UBE2L6: variants seen among roughly 807,000 people sequenced by gnomAD.
UBE2L6 encodes ubiquitin/ISG15-conjugating enzyme E2 L6.
A neutral mutation model predicts 13.6 loss-of-function variants in UBE2L6; 11 were observed. The ratio of observed to expected loss-of-function variants is 0.81; its 90% CI spans 0.51 to 1.34. The LOEUF (loss-of-function observed/expected upper bound fraction) is 1.34. Ranked by LOEUF, UBE2L6 falls within the 40% of genes most tolerant of loss-of-function variation. The pLI, the probability that UBE2L6 is intolerant of heterozygous loss-of-function variation, is 0.00. For missense variants in UBE2L6, 197 were observed against 199.5 expected (o/e 0.99, Z 0.07); for synonymous variants, 74 against 83.2 (o/e 0.89, Z 0.60).
At chr11:57,564,597 G>C (rs190936089) in intron 1 of UBE2L6, among the ~76,000 whole-genome samples, 2 of 152,210 alleles carry the variant, frequency 1.3e-5, no homozygotes, top group African/African-American at 4.8e-5. Context: ...GAGGTCAGGA[G>C]TTCGAGACCA....
intron 1 of UBE2L6, among the ~76,000 whole-genome samples, chr11:57,566,531 T>C (rs958383303): frequency 6.6e-6 from 1 of 152,102 alleles, no homozygotes; most frequent in African/African-American, 2.4e-5. Context: ...TGTAAACCGT[T>C]TGGCATGTAA....
intron 2 of UBE2L6, among the ~76,000 whole-genome samples, chr11:57,558,679 T>A (rs1338565760): frequency 1.3e-5 from 2 of 152,236 alleles, no homozygotes; most frequent in African/African-American, 4.8e-5. Context: ...TCGAGCTGAA[T>A]CCTTCCATGA....
intron 3 of UBE2L6, 119 bp downstream of exon 3, chr11:57,554,318 G>A: frequency 2.4e-6 from 3 of 1,240,796 alleles, no homozygotes; most frequent in South Asian, 1.5e-5. Context: ...GTTCAGCCAA[G>A]ACTCACAATT....
intron 3 of UBE2L6, among the ~76,000 whole-genome samples, chr11:57,553,981 G>A (rs183469429): frequency 1.0e-3 from 153 of 152,250 alleles, no homozygotes; most frequent in African/African-American, 3.3e-3. Context: ...ACTACCTCAC[G>A]GGCTTGTTGG....
At chr11:57,565,375 T>G (rs113569843) in intron 1 of UBE2L6, among the ~76,000 whole-genome samples, 1,698 of 137,992 alleles carry the variant, frequency 0.012, 55 homozygotes, top group African/African-American at 0.042. Flanking sequence ...TTTTTTTTTT[T>G]TTTTTTTGAG....
intron 2 of UBE2L6, among the ~76,000 whole-genome samples, chr11:57,558,073 A>C (rs1023554137): frequency 1.3e-5 from 2 of 152,092 alleles, no homozygotes; most frequent in Non-Finnish European, 2.9e-5. Flanking sequence ...GGATTTTGCT[A>C]CTTTATTTTG....
rs898231346 is a variant in UBE2L6 at position 57,551,996 on chromosome 11, G to A, written c.*362C>T. ...GGCCCTCAGTGCCTGAGCCCTAGGG[G>A]GATTCGAGTTGGCTGCTGGATTCAT... is the stretch of plus-strand genomic sequence containing the variant. On this transcript the variant is annotated 3_prime_UTR_variant, in exon 4 of 4. Coordinates refer to ENST00000287156, the MANE Select transcript of UBE2L6 (RefSeq NM_004223.5). 3.3e-5 allele frequency: 8 copies of A among 243,682 alleles called. No individual in the cohort carries two copies. Among genetic ancestry groups the A allele is most frequent in the Non-Finnish European group, 4.8e-5 (6 of 124,576 alleles). The allele number at this position is 243,682 out of a possible 1,614,324, so 15.1% of individuals were successfully genotyped here. A position where few individuals can be genotyped will look rare whatever the true frequency, so the allele number is the denominator to read the frequency against.
At chr11:57,552,703 G>A (rs1026896659) in intron 3 of UBE2L6, among the ~76,000 whole-genome samples, 194 bp from the exon 4 acceptor site, 2 of 152,206 alleles carry the variant, frequency 1.3e-5, no homozygotes, top group African/African-American at 4.8e-5. Context: ...GATTACATCA[G>A]TGGTTTTCAA....
At chr11:57,552,754 G>A (rs1944969393) in intron 3 of UBE2L6, among the ~76,000 whole-genome samples, 1 of 152,170 alleles carries the variant, frequency 6.6e-6, no homozygotes, top group Non-Finnish European at 1.5e-5. Context: ...CCTCATCACA[G>A]GGGCCACTGA....
At chr11:57,557,706 T>A (rs1261310521) in intron 2 of UBE2L6, among the ~76,000 whole-genome samples, 1 of 152,154 alleles carries the variant, frequency 6.6e-6, no homozygotes, top group Non-Finnish European at 1.5e-5. Flanking sequence ...ATGCTTCTTG[T>A]ACAGCCTGCA....
intron 1 of UBE2L6, among the ~76,000 whole-genome samples, chr11:57,565,226 G>A (rs961002002): frequency 1.3e-5 from 2 of 151,572 alleles, no homozygotes; most frequent in Admixed American, 6.6e-5. Flanking sequence ...TGGGCAACAA[G>A]AGTGAAACTC....
At chr11:57,558,670 C>T (rs1445236936) in intron 2 of UBE2L6, among the ~76,000 whole-genome samples, 5 of 152,214 alleles carry the variant, frequency 3.3e-5, no homozygotes, top group East Asian at 1.9e-4. Flanking sequence ...AAAGACTCAT[C>T]GAGCTGAATC....
chr11:57,566,925 G>A (rs539276793), intron 1 of UBE2L6: 10 of 442,348 alleles, frequency 2.3e-5, no homozygotes, highest in East Asian at 2.1e-4. Flanking sequence ...AACAAGGGCC[G>A]GATTTGTGTT....
intron 3 of UBE2L6, 124 bp from the exon 4 acceptor site, chr11:57,552,633 C>A (rs1191002242): frequency 1.6e-6 from 2 of 1,264,600 alleles, no homozygotes; most frequent in Non-Finnish European, 2.2e-6. Flanking sequence ...CTTAGGATTA[C>A]TCTACGACCA....
At chr11:57,563,783 T>C (rs897961195) in intron 1 of UBE2L6, among the ~76,000 whole-genome samples, 1 of 149,608 alleles carries the variant, frequency 6.7e-6, no homozygotes, top group African/African-American at 2.5e-5. Flanking sequence ...GCGCCTGTAG[T>C]CCCAGCTACT....
At chr11:57,556,443 G>A (rs1944997786) in intron 2 of UBE2L6, among the ~76,000 whole-genome samples, 1 of 151,936 alleles carries the variant, frequency 6.6e-6, no homozygotes, top group African/African-American at 2.4e-5. Flanking sequence ...AATTAGCCGG[G>A]TGTGGTGGTG....
At chr11:57,555,337 C>T (rs950262994) in intron 2 of UBE2L6, among the ~76,000 whole-genome samples, 1 of 152,136 alleles carries the variant, frequency 6.6e-6, no homozygotes, top group South Asian at 2.1e-4. Context: ...TGCTACAACA[C>T]GGATGAACCT....
chr11:57,552,590 C>T (rs1944968214), intron 3 of UBE2L6, 81 bp from the exon 4 acceptor site: 8 of 1,532,426 alleles, frequency 5.2e-6, no homozygotes, highest in East Asian at 4.5e-5. Context: ...TCCTGACACT[C>T]CACACTCACT....
chr11:57,567,703 C>T (rs994509198), upstream of UBE2L6: 1 of 1,458,490 alleles, frequency 6.9e-7, no homozygotes, highest in African/African-American at 1.4e-5. Context: ...GGGGACCCCA[C>T]CCCCGGCAGC....
Sources: allele counts gnomAD v4.1 joint callset (sites outside exome capture counted in the v4.1 genomes callset), GRCh38; gene constraint gnomAD v4.1.1; transcripts MANE v1.5; gene names NCBI Gene and HGNC (gene_info 2026-07-23, HGNC 2026-07-21).